Variants in CTIF observed in about 807,000 individuals in gnomAD.
CTIF encodes the protein cap binding complex dependent translation initiation factor.
CTIF carries 21 observed loss-of-function variants against 66.0 expected under a neutral mutation model. The ratio of observed to expected loss-of-function variants is 0.32; its 90% confidence interval spans 0.23 to 0.46. CTIF has a LOEUF of 0.46. Ranked by LOEUF, CTIF falls within the 20% of genes least tolerant of loss-of-function variation. The pLI is 1.00. For missense variants in CTIF, 739 were observed against 812.7 expected, an observed-to-expected ratio of 0.91 and a Z score of 1.10; for synonymous variants, 345 against 326.4, an observed-to-expected ratio of 1.06 and a Z score of -0.62.
At chr18:48,733,716 GTGA>G (rs2092475300) in intron 7 of CTIF, among the ~76,000 whole-genome samples, 1 of 152,208 alleles carries the variant, frequency 6.6e-6, no homozygotes, top group South Asian at 2.1e-4. Flanking sequence ...TTTGCAGCCC[GTGA>G]TGAAGTCAGC....
chr18:48,561,729 C>A (rs532100021), intron 1 of CTIF, among the ~76,000 whole-genome samples: 1 of 152,320 alleles, frequency 6.6e-6, no homozygotes, highest in South Asian at 2.1e-4. Context: ...TTGACTACTT[C>A]TCTTTTCCTT....
chr18:48,817,184 C>T (rs1405520372), intron 9 of CTIF, 37 bp from the exon 10 acceptor site: 3 of 1,598,350 alleles, frequency 1.9e-6, no homozygotes, highest in South Asian at 2.3e-5. Context: ...CCCTCCCCAG[C>T]CCCGGGAGGC....
intron 1 of CTIF, among the ~76,000 whole-genome samples, chr18:48,573,559 A>G (rs1599165431): frequency 6.6e-6 from 1 of 152,238 alleles, no homozygotes; most frequent in African/African-American, 2.4e-5. Context: ...TAAGCATTCT[A>G]ATATTTTCTT....
chr18:48,793,748 G>T (rs1297719517), intron 9 of CTIF, among the ~76,000 whole-genome samples: 1 of 152,096 alleles, frequency 6.6e-6, no homozygotes, highest in East Asian at 1.9e-4. Context: ...CCATACCAAT[G>T]CCCAAGCAGG....
At chr18:48,605,463 A>C (rs1344182180) in intron 1 of CTIF, among the ~76,000 whole-genome samples, 3 of 152,208 alleles carry the variant, frequency 2.0e-5, no homozygotes, top group Non-Finnish European at 4.4e-5. Context: ...ATTATCTGCC[A>C]GTTAACCACT....
At chr18:48,624,598 A>G (rs1204172249) in intron 2 of CTIF, among the ~76,000 whole-genome samples, 2 of 152,154 alleles carry the variant, frequency 1.3e-5, no homozygotes, top group Admixed American at 6.5e-5. Flanking sequence ...GCAGTATGCA[A>G]CTCTGAGCGA....
intron 7 of CTIF, among the ~76,000 whole-genome samples, chr18:48,749,499 C>G (rs1907587945): frequency 6.6e-6 from 1 of 152,178 alleles, no homozygotes; most frequent in Admixed American, 6.5e-5. Context: ...TTTGAAACAG[C>G]CCCTGTCTTC....
chr18:48,725,551 G>A (rs2092379066), intron 7 of CTIF, among the ~76,000 whole-genome samples: 1 of 152,156 alleles, frequency 6.6e-6, no homozygotes, highest in Non-Finnish European at 1.5e-5. Flanking sequence ...GTGAGAATGA[G>A]GAGGAGCTCC....
At chr18:48,658,432 T>C (rs2091281783) in intron 3 of CTIF, among the ~76,000 whole-genome samples, 1 of 105,038 alleles carries the variant, frequency 9.5e-6, no homozygotes, top group Non-Finnish European at 2.3e-5. Flanking sequence ...TTGGTGTGTA[T>C]ATGGGTGTGG....
At chr18:48,645,512 G>A (rs2091014333) in intron 3 of CTIF, among the ~76,000 whole-genome samples, 1 of 152,152 alleles carries the variant, frequency 6.6e-6, no homozygotes, top group Admixed American at 6.5e-5. Flanking sequence ...TGGGCTATCA[G>A]AGGGGCTCCA....
At position 48,741,936 on chromosome 18, in the gene CTIF, C is replaced by A. The variant is rs1041149297; in HGVS notation, c.585-15983C>A. ...AAGGGCTTGACACCTGCCTCCTTGT[C>A]CCCCAGCTCAGAAACCACTTACCAG... On this transcript the variant is annotated intron_variant, in intron 7 of 11. Transcript: ENST00000256413. Among the ~76,000 whole-genome samples the A allele has an allele frequency of 1.2e-4, 18 of 152,294 alleles. 1 individual carries two copies. Among genetic ancestry groups the A allele is most frequent in the African/African-American group, 3.1e-4 (13 of 41,568 alleles).
At chr18:48,834,566 G>A (rs1380397633) in intron 10 of CTIF, 2 of 152,406 alleles carry the variant, frequency 1.3e-5, no homozygotes, top group Non-Finnish European at 2.9e-5. Context: ...TCATAAAGGA[G>A]AATTTGCAGT....
intron 1 of CTIF, among the ~76,000 whole-genome samples, chr18:48,582,532 T>A (rs910087885): frequency 8.6e-5 from 13 of 151,996 alleles, no homozygotes; most frequent in African/African-American, 3.1e-4. Context: ...CCCCTCTGTG[T>A]TTCACGTGGG....
intron 6 of CTIF, among the ~76,000 whole-genome samples, chr18:48,681,700 T>C (rs2091745550): frequency 6.6e-6 from 1 of 152,198 alleles, no homozygotes. Context: ...GCCAAGCCCC[T>C]GATCCAGCAG....
At chr18:48,703,111 G>C (rs1052690046) in intron 6 of CTIF, among the ~76,000 whole-genome samples, 2 of 152,180 alleles carry the variant, frequency 1.3e-5, no homozygotes, top group Non-Finnish European at 1.5e-5. Flanking sequence ...TCCTGAGCTA[G>C]CAGGGTCTGG....
At chr18:48,744,033 G>T (rs1392356811) in intron 7 of CTIF, among the ~76,000 whole-genome samples, 1 of 152,204 alleles carries the variant, frequency 6.6e-6, no homozygotes, top group Admixed American at 6.5e-5. Flanking sequence ...GACCACAAGT[G>T]CTTTCCAGAA....
chr18:48,629,846 T>C (rs570565371), intron 2 of CTIF, among the ~76,000 whole-genome samples: 22 of 152,284 alleles, frequency 1.4e-4, no homozygotes, highest in Admixed American at 6.5e-4. Context: ...TAAGAGTGCC[T>C]CAGCAGCCAT....
intron 6 of CTIF, among the ~76,000 whole-genome samples, chr18:48,689,267 G>A (rs1227862409): frequency 6.6e-6 from 1 of 152,208 alleles, no homozygotes; most frequent in Non-Finnish European, 1.5e-5. Context: ...TTGCAAATTA[G>A]AAAGAGGTGC....
chr18:48,631,395 G>A (rs1386377691), intron 2 of CTIF, among the ~76,000 whole-genome samples: 1 of 142,280 alleles, frequency 7.0e-6, no homozygotes, highest in African/African-American at 3.1e-5. Flanking sequence ...GAGCCCCAGA[G>A]GGGAAGGTTG....
Sources: gnomAD v4.1 joint callset for allele counts (sites outside exome capture counted in the v4.1 genomes callset) on GRCh38, gnomAD v4.1.1 for gene constraint, MANE v1.5 for transcripts, NCBI Gene and HGNC (gene_info 2026-07-23, HGNC 2026-07-21) for gene names.